SBF2: variants seen among roughly 807,000 people sequenced by gnomAD.
The protein encoded by SBF2 is SET binding factor 2.
In SBF2, 112 loss-of-function variants were observed where a neutral mutation model predicts 225.2. That is an observed-to-expected ratio of 0.50 (90% confidence interval 0.43 to 0.58). The LOEUF (loss-of-function observed/expected upper bound fraction) is 0.58, where lower values mean the gene tolerates loss of function less well. SBF2 is among the 20% of genes least tolerant of loss of function. SBF2 has a pLI of 0.00. For synonymous variants in SBF2, 763 were observed against 773.3 expected, an observed-to-expected ratio of 0.99 and a Z score of 0.22; for missense variants, 1,996 against 2,206.2, an observed-to-expected ratio of 0.90 and a Z score of 1.91.
At chr11:10,277,392 C>T (rs1003713472) in intron 1 of SBF2, among the ~76,000 whole-genome samples, 1 of 152,162 alleles carries the variant, frequency 6.6e-6, no homozygotes, top group African/African-American at 2.4e-5. Context: ...ATTCCTATTT[C>T]ATATGTTTGG....
At chr11:9,780,774 C>T (rs927043310) in intron 39 of SBF2, 8 of 470,936 alleles carry the variant, frequency 1.7e-5, no homozygotes, top group African/African-American at 4.0e-5. Context: ...TTCTTAGTGT[C>T]GTCTTTGACT....
intron 35 of SBF2, among the ~76,000 whole-genome samples, chr11:9,788,502 C>T (rs958333842): frequency 6.6e-6 from 1 of 152,132 alleles, no homozygotes; most frequent in Admixed American, 6.5e-5. Flanking sequence ...ACTAAGGCTG[C>T]TCGGGCAACT....
At chr11:10,200,461 GTTAT>G (rs1046675849) in intron 1 of SBF2, among the ~76,000 whole-genome samples, 3 of 152,120 alleles carry the variant, frequency 2.0e-5, no homozygotes, top group Admixed American at 1.3e-4. Context: ...GAAGAATGGT[GTTAT>G]TTAAGGTCTC....
intron 1 of SBF2, among the ~76,000 whole-genome samples, chr11:10,197,876 C>T (rs939094999): frequency 6.6e-6 from 1 of 152,234 alleles, no homozygotes; most frequent in Non-Finnish European, 1.5e-5. Context: ...AGCAAAGCTT[C>T]ATCTGTTAAA....
chr11:10,146,696 T>C (rs920422472), intron 2 of SBF2, among the ~76,000 whole-genome samples: 1 of 152,074 alleles, frequency 6.6e-6, no homozygotes, highest in Non-Finnish European at 1.5e-5. Context: ...CCAAAAGCAA[T>C]TGCAACAAAA....
intron 18 of SBF2, 74 bp from the exon 19 acceptor site, chr11:9,856,794 T>C (rs1397019703): frequency 6.6e-7 from 1 of 1,514,264 alleles, no homozygotes; most frequent in African/African-American, 1.4e-5. Flanking sequence ...GATTTTTTTT[T>C]TTTTTTTTTT....
At chr11:9,999,737 T>C (rs552864577) in intron 8 of SBF2, among the ~76,000 whole-genome samples, 19 of 152,370 alleles carry the variant, frequency 1.2e-4, no homozygotes, top group Admixed American at 9.8e-4. Flanking sequence ...CATATTTTTA[T>C]ACAGTGATAC....
At chr11:9,873,941 C>T (rs192192895) in intron 17 of SBF2, among the ~76,000 whole-genome samples, 2 of 151,874 alleles carry the variant, frequency 1.3e-5, no homozygotes, top group Non-Finnish European at 2.9e-5. Context: ...CTCAGCTACT[C>T]GGGAGGCTGA....
At chr11:10,005,417 T>C (rs149810979) in intron 6 of SBF2, among the ~76,000 whole-genome samples, 2 of 152,220 alleles carry the variant, frequency 1.3e-5, no homozygotes, top group Non-Finnish European at 2.9e-5. Flanking sequence ...CCCGGACACA[T>C]GACAACATAT....
In SBF2 at chr11:9,852,686, G is replaced by A. The variant is rs370198639; in HGVS notation, c.2600C>T (p.Pro867Leu). Residue 867 changes from proline to leucine, a missense_variant, in exon 21 of 40, where the codon CCT becomes CTT. Transcript: ENST00000256190. ...GTAGTCTGGAATTACCTTCTGAATAGGCGGAAGTCTTCTGCTTTCTCGATG... is the reference window on the plus strand; with the variant it reads ...GTAGTCTGGAATTACCTTCTGAATAAGCGGAAGTCTTCTGCTTTCTCGATG... ...AVHRESRRLP[P>L]IQKPKILRPA... 1.6e-5 allele frequency: 26 copies of A among 1,611,840 alleles called. No homozygotes were observed. The highest frequency in any genetic ancestry group is 2.7e-5 in the African/African-American group (2 of 74,988).
At chr11:10,185,732 A>G (rs1362676202) in intron 2 of SBF2, among the ~76,000 whole-genome samples, 2 of 151,406 alleles carry the variant, frequency 1.3e-5, no homozygotes, top group Admixed American at 6.6e-5. Flanking sequence ...GTGTGCTTGT[A>G]GATCTCCTTA....
chr11:10,281,405 T>C (rs1427306430), intron 1 of SBF2, among the ~76,000 whole-genome samples: 2 of 152,222 alleles, frequency 1.3e-5, no homozygotes, highest in African/African-American at 4.8e-5. Flanking sequence ...TATAGGATAC[T>C]GCATTCATCA....
chr11:10,172,818 C>T (rs1010807718), intron 2 of SBF2, among the ~76,000 whole-genome samples: 1 of 152,188 alleles, frequency 6.6e-6, no homozygotes, highest in African/African-American at 2.4e-5. Context: ...ATGCATGTGC[C>T]ATCATGCTTG....
chr11:10,026,543 C>G (rs1206278001), intron 6 of SBF2, among the ~76,000 whole-genome samples: 1 of 151,920 alleles, frequency 6.6e-6, no homozygotes, highest in African/African-American at 2.4e-5. Context: ...ACAGCCTGGG[C>G]AACATGGCGA....
intron 1 of SBF2, among the ~76,000 whole-genome samples, chr11:10,231,393 A>G (rs930857731): frequency 1.4e-4 from 22 of 152,200 alleles, no homozygotes; most frequent in African/African-American, 5.1e-4. Flanking sequence ...TCTGATTTTT[A>G]GAGTCTCTGG....
chr11:10,003,534 A>AT (rs1565119724), intron 6 of SBF2, among the ~76,000 whole-genome samples: 1 of 151,452 alleles, frequency 6.6e-6, no homozygotes, highest in African/African-American at 2.4e-5. Context: ...TGCCCAGCTA[A>AT]TTTTTTCTAT....
At chr11:9,898,633 T>C (rs374726207) in intron 16 of SBF2, among the ~76,000 whole-genome samples, 1 of 152,154 alleles carries the variant, frequency 6.6e-6, no homozygotes. Flanking sequence ...ATGGTGCCAT[T>C]GCACTCCAGC....
At chr11:10,180,330 T>C (rs1009535165) in intron 2 of SBF2, among the ~76,000 whole-genome samples, 1 of 152,150 alleles carries the variant, frequency 6.6e-6, no homozygotes, top group South Asian at 2.1e-4. Context: ...TTGAAGAATA[T>C]TTTTGCTAGA....
intron 2 of SBF2, among the ~76,000 whole-genome samples, chr11:10,108,529 T>C (rs950534526): frequency 7.1e-6 from 1 of 140,202 alleles, no homozygotes; most frequent in South Asian, 2.4e-4. Context: ...TTTTTTTTTT[T>C]TTTTTTTTTT....
Sources: allele counts gnomAD v4.1 joint callset (sites outside exome capture counted in the v4.1 genomes callset), GRCh38; gene constraint gnomAD v4.1.1; transcripts MANE v1.5; gene names NCBI Gene and HGNC (gene_info 2026-07-23, HGNC 2026-07-21).